The following AARSD1 variants were observed in gnomAD, a reference collection of about 807,000 sequenced individuals.
AARSD1 encodes alanyl-tRNA editing protein Aarsd1.
Under a neutral mutation model 48.7 loss-of-function variants are expected in AARSD1, and 44 were observed. The ratio of observed to expected loss-of-function variants is 0.90; its 90% CI spans 0.71 to 1.16. The LOEUF (loss-of-function observed/expected upper bound fraction) is 1.16. Ranked by LOEUF, AARSD1 falls within the 50% of genes most tolerant of loss-of-function variation. The pLI, the probability that AARSD1 is intolerant of heterozygous loss-of-function variation, is 0.00. For missense variants in AARSD1, 511 were observed against 523.1 expected (o/e 0.98, Z 0.23); for synonymous variants, 189 against 194.9 (o/e 0.97, Z 0.25).
chr17:42,959,196 CAAAAAAAAAA>C (rs1196945159), intron 3 of AARSD1, among the ~76,000 whole-genome samples: 1 of 59,964 alleles, frequency 1.7e-5, no homozygotes, highest in Non-Finnish European at 3.2e-5. Context: ...GACTTTGTCT[CAAAAAAAAAA>C]AAAAAAAAAA....
Position 42,961,299 on chromosome 17 carries a change from C to G in AARSD1, c.224G>C (p.Arg75Pro), listed in dbSNP as rs370491402. 1.2e-6 allele frequency: 2 copies of G among 1,614,152 alleles called. No individual in the cohort carries two copies. The highest frequency in any genetic ancestry group is 1.3e-5 in the African/African-American group (1 of 75,056). The change falls in exon 3 of 12, where the codon CGT becomes CCT. Residue 75 changes from arginine (R) to proline (P), a missense_variant. Arg to Pro is a moderately radical substitution (Grantham distance 103). Coordinates refer to ENST00000427569, the MANE Select transcript of AARSD1 (RefSeq NM_001261434.2). ...NDISVLRVTR[R>P]GEQADHFTQT... ...GGTGAAATGATCAGCCTGTTCCCCACGGCGAGTCACTCTCAGCACAGAGAT... is the reference window on the plus strand; with the variant it reads ...GGTGAAATGATCAGCCTGTTCCCCAGGGCGAGTCACTCTCAGCACAGAGAT...
chr17:42,960,008 C>T (rs916953356), intron 3 of AARSD1, among the ~76,000 whole-genome samples: 11 of 151,930 alleles, frequency 7.2e-5, no homozygotes, highest in African/African-American at 2.4e-4. Flanking sequence ...CAGTGGCTCC[C>T]GCCTGTAATC....
intron 9 of AARSD1, 77 bp downstream of exon 9, chr17:42,954,799 C>T: frequency 1.4e-6 from 2 of 1,466,580 alleles, no homozygotes; most frequent in South Asian, 1.1e-5. Context: ...TCCCACTGTA[C>T]ATTGCATATA....
chr17:42,955,155 C>T lies in AARSD1; in HGVS notation c.861+3G>A. On this transcript the variant is annotated splice_donor_region_variant and intron_variant, in intron 8 of 11. Transcript: ENST00000427569. ...CCTCTCTACCCTCCATGGAATAAAT[C>T]ACCTTCTGCAGGATCTTGGTGGAGT... The T allele has an allele frequency of 2.5e-6, 4 of 1,614,196 alleles. No individual in the cohort carries two copies. The highest frequency in any genetic ancestry group is 3.4e-6 in the Non-Finnish European group (4 of 1,180,038).
intron 10 of AARSD1, among the ~76,000 whole-genome samples, chr17:42,952,290 C>G (rs2151939569): frequency 6.6e-6 from 1 of 152,298 alleles, no homozygotes; most frequent in South Asian, 2.1e-4. Context: ...TCAAGGGCCC[C>G]TCCCCTGAAA....
intron 1 of AARSD1, 21 bp downstream of exon 1, chr17:42,964,381 T>A (rs1238949344): frequency 9.0e-6 from 14 of 1,554,976 alleles, no homozygotes; most frequent in Non-Finnish European, 1.2e-5. Flanking sequence ...CAGTCTCAAG[T>A]GCCTCGCCGT....
At chr17:42,961,064 G>C (rs2049629597) in intron 3 of AARSD1, 128 bp downstream of exon 3, 2 of 1,416,732 alleles carry the variant, frequency 1.4e-6, no homozygotes, top group South Asian at 3.2e-5. Flanking sequence ...CTGAATTACA[G>C]CTGATTCTGA....
intron 4 of AARSD1, among the ~76,000 whole-genome samples, chr17:42,956,905 G>A (rs2049563115): frequency 6.8e-6 from 1 of 146,534 alleles, no homozygotes; most frequent in Non-Finnish European, 1.5e-5. Flanking sequence ...CTGACCTCGT[G>A]ATCCGCCCGC....
rs1456311131 is a variant in AARSD1, at chr17:42,961,276, T to C, written c.247A>G (p.Thr83Ala). 1 of 1,614,040 alleles carries C rather than the reference T, an allele frequency of 6.2e-7. No homozygotes were observed. The highest frequency in any genetic ancestry group is 1.1e-5 in the South Asian group (1 of 91,068). Residue 83 changes from threonine (T) to alanine (A), a missense_variant, in exon 3 of 12, where the codon ACC becomes GCC. Physicochemically the swap from Thr to Ala is moderately conservative, Grantham distance 58. Coordinates refer to ENST00000427569, the MANE Select transcript of AARSD1 (RefSeq NM_001261434.2). ...TRRGEQADHF[T>A]QTPLDPGSQV... ...CTTCCTGGATCCAGGGGTGTCTGGG[T>C]GAAATGATCAGCCTGTTCCCCACGG... is the stretch of plus-strand genomic sequence containing the variant.
In AARSD1 at chr17:42,955,918, A is replaced by G; in HGVS notation, c.718T>C (p.Phe240Leu). ...KGKKNRTNLI[F>L]LSGNRVLKWM... is the part of the protein sequence containing the mutation. ...TTCAGCACCCGGTTCCCAGACAGAA[A>G]TATCAGGTTGGTTCTGTTCTTTTTC... Residue 240 changes from phenylalanine (F) to leucine (L), a missense_variant, in exon 7 of 12, where the codon TTT (phenylalanine) becomes CTT (leucine). Phe to Leu is a conservative substitution (Grantham distance 22, BLOSUM62 0). Transcript: ENST00000427569. The G allele has an allele frequency of 6.2e-7, 1 of 1,614,118 alleles. No individual in the cohort carries two copies. Among genetic ancestry groups the G allele is most frequent in the South Asian group, 1.1e-5 (1 of 91,076 alleles).
chr17:42,960,838 T>C (rs180809967), intron 3 of AARSD1: 2 of 188,406 alleles, frequency 1.1e-5, no homozygotes, highest in East Asian at 3.2e-4. Context: ...TGCATGCTGA[T>C]GCCCTGCGAT....
chr17:42,956,303 C>G lies in AARSD1; in HGVS notation c.564G>C (p.Leu188Phe). Reference protein sequence around the residue: ...PEVEQVSGRGLPDDHAGPIRV... With the variant: ...PEVEQVSGRGFPDDHAGPIRV... ...GAATGGGCCCAGCATGATCATCAGG[C>G]AAACCCCGGCCACTCACCTGGACTC... Residue 188 changes from leucine to phenylalanine, a missense_variant, in exon 6 of 12, where the codon TTG (leucine) becomes TTC (phenylalanine). Coordinates refer to ENST00000427569, the MANE Select transcript of AARSD1 (RefSeq NM_001261434.2). The G allele has an allele frequency of 6.2e-7, 1 of 1,614,134 alleles. No homozygotes were observed. Among genetic ancestry groups the G allele is most frequent in the Non-Finnish European group, 8.5e-7 (1 of 1,180,026 alleles).
chr17:42,959,526 C>T (rs943647131), intron 3 of AARSD1, among the ~76,000 whole-genome samples: 2 of 151,810 alleles, frequency 1.3e-5, no homozygotes, highest in African/African-American at 4.8e-5. Flanking sequence ...TCGCGAGCAG[C>T]CTACATTTAT....
chr17:42,964,086 G>C lies in AARSD1; in HGVS notation c.171+20C>G. On this transcript the variant is annotated intron_variant, in intron 2 of 11. Transcript: ENST00000427569. ...GCACAAAGAAACTGGGGGCTTCCTG[G>C]GAAGAGATCGTTTTGGTACCTGTCC... 1 of 1,613,904 alleles carries C rather than the reference G, an allele frequency of 6.2e-7. No homozygotes were observed. Among genetic ancestry groups the C allele is most frequent in the East Asian group, 2.2e-5 (1 of 44,876 alleles).
At chr17:42,961,591 A>C (rs1038063560) in intron 2 of AARSD1, among the ~76,000 whole-genome samples, 1 of 152,218 alleles carries the variant, frequency 6.6e-6, no homozygotes, top group East Asian at 1.9e-4. Context: ...AACTACAGCA[A>C]CAAAAATTTT....
chr17:42,955,527 C>G, intron 7 of AARSD1: 1 of 449,644 alleles, frequency 2.2e-6, no homozygotes. Flanking sequence ...CAAGCTCCAC[C>G]TCCCGGGTTC....
intron 1 of AARSD1, 82 bp downstream of exon 1, chr17:42,964,320 G>C: frequency 1.9e-6 from 3 of 1,599,712 alleles, no homozygotes; most frequent in Non-Finnish European, 2.6e-6. Flanking sequence ...ATGCCATGTT[G>C]GCACTCCCTA....
chr17:42,957,843 A>C (rs1261615833), intron 3 of AARSD1, among the ~76,000 whole-genome samples: 1 of 152,196 alleles, frequency 6.6e-6, no homozygotes, highest in Non-Finnish European at 1.5e-5. Flanking sequence ...TGCAAGGCAC[A>C]GGGCTTGACA....
intron 9 of AARSD1, 105 bp from the exon 10 acceptor site, chr17:42,953,883 CA>C: frequency 7.3e-7 from 1 of 1,370,798 alleles, no homozygotes; most frequent in Non-Finnish European, 1.0e-6. Flanking sequence ...CCTATGTACA[CA>C]TAAAGTCCCA....
Sources: gnomAD v4.1 joint callset for allele counts (sites outside exome capture counted in the v4.1 genomes callset) on GRCh38, gnomAD v4.1.1 for gene constraint, MANE v1.5 for transcripts, NCBI Gene and HGNC (gene_info 2026-07-23, HGNC 2026-07-21) for gene names.